HKDC1: variants seen among roughly 807,000 people sequenced by gnomAD.
The protein encoded by HKDC1 is hexokinase HKDC1.
In HKDC1, 66 loss-of-function variants were observed where a neutral mutation model predicts 96.6. The observed-to-expected ratio is 0.68, with a 90% CI of 0.56 to 0.84. HKDC1 has a LOEUF of 0.84. Among genes scored for constraint, HKDC1 ranks in the 40% least tolerant of loss-of-function variants. The probability of loss-of-function intolerance (pLI) is 0.00; values close to 1 mark genes in which losing one functional copy is unlikely to be tolerated. For synonymous variants in HKDC1, 466 were observed against 473.1 expected (o/e 0.98, Z 0.20); for missense variants, 1,211 against 1,208.1 (o/e 1.00, Z -0.04).
chr10:69,223,672 G>A (rs373626604), intron 1 of HKDC1, among the ~76,000 whole-genome samples: 201 of 130,570 alleles, frequency 1.5e-3, no homozygotes, highest in Middle Eastern at 0.015. Flanking sequence ...TGCAACCTCC[G>A]CCTCCAGGGC....
At chr10:69,232,085 T>G (rs1363385556) in intron 2 of HKDC1, among the ~76,000 whole-genome samples, 1 of 152,234 alleles carries the variant, frequency 6.6e-6, no homozygotes, top group Non-Finnish European at 1.5e-5. Context: ...TCAGGTGATC[T>G]GCCCGTCTCG....
chr10:69,260,480 A>G (rs1340341213), intron 15 of HKDC1, among the ~76,000 whole-genome samples: 1 of 152,202 alleles, frequency 6.6e-6, no homozygotes, highest in Non-Finnish European at 1.5e-5. Context: ...TTAAGGGGGC[A>G]GCACCTTTGA....
At chr10:69,263,308 A>G (rs1301089922) in intron 16 of HKDC1, among the ~76,000 whole-genome samples, 1 of 152,156 alleles carries the variant, frequency 6.6e-6, no homozygotes. Context: ...CATGTCGCCC[A>G]GGTTGATCTT....
chr10:69,241,635 C>G (rs773749515), intron 6 of HKDC1, among the ~76,000 whole-genome samples: 11 of 152,254 alleles, frequency 7.2e-5, no homozygotes, highest in South Asian at 2.1e-4. Flanking sequence ...AGGTGCCCAC[C>G]ACCACGGCTG....
In HKDC1 at chr10:69,248,513, G is replaced by A. The variant is rs563834781; in HGVS notation, c.1355G>A (p.Gly452Glu). 6.2e-7 allele frequency: 1 copy of A among 1,613,122 alleles called. No homozygotes were observed. Among genetic ancestry groups the A allele is most frequent in the South Asian group, 1.1e-5 (1 of 91,034 alleles). ...FLLSESGSTK[G>E]AAMVTAVASR... ...CTGTCAGAGAGTGGCAGCACCAAGG[G>A]GGCCGCCATGGTGACCGCGGTGGCC... Residue 452 changes from glycine (G) to glutamate (E), a missense_variant, in exon 10 of 18, where the codon GGG becomes GAG. Coordinates refer to ENST00000354624, the MANE Select transcript of HKDC1 (RefSeq NM_025130.4).
chr10:69,232,668 T>A, intron 2 of HKDC1, 96 bp from the exon 3 acceptor site: 1 of 1,140,484 alleles, frequency 8.8e-7, no homozygotes, highest in Non-Finnish European at 1.3e-6. Context: ...TGGCTGTGAT[T>A]TGAAGACGTT....
chr10:69,252,181 T>G (rs1439427482), intron 12 of HKDC1, among the ~76,000 whole-genome samples: 2 of 151,492 alleles, frequency 1.3e-5, no homozygotes, highest in Admixed American at 6.6e-5. Flanking sequence ...TATGGAGACA[T>G]TTATTACAAA....
intron 1 of HKDC1, among the ~76,000 whole-genome samples, chr10:69,221,930 GA>G (rs942695404): frequency 3.3e-5 from 5 of 150,214 alleles, no homozygotes; most frequent in South Asian, 2.1e-4. Context: ...GGAAAGAAAA[GA>G]AAAAAAAAGG....
chr10:69,221,188 G>A (rs1274697483), intron 1 of HKDC1, among the ~76,000 whole-genome samples: 4 of 152,162 alleles, frequency 2.6e-5, no homozygotes, highest in Non-Finnish European at 5.9e-5. Context: ...GTTTGTTCAT[G>A]TATTTGAAAG....
At chr10:69,233,240 T>G (rs576031739) in intron 4 of HKDC1, 107 bp downstream of exon 4, 1 of 1,454,452 alleles carries the variant, frequency 6.9e-7, no homozygotes, top group African/African-American at 1.4e-5. Context: ...CTTTCTTGTT[T>G]GTCTTTTTCT....
At chr10:69,236,711 C>T (rs891446911) in intron 4 of HKDC1, among the ~76,000 whole-genome samples, 5 of 150,462 alleles carry the variant, frequency 3.3e-5, no homozygotes, top group South Asian at 2.1e-4. Flanking sequence ...ACCTGGGAGG[C>T]GGAGGTTGCA....
chr10:69,246,043 G>A, intron 7 of HKDC1, 36 bp from the exon 8 acceptor site: 1 of 1,605,190 alleles, frequency 6.2e-7, no homozygotes, highest in Non-Finnish European at 8.5e-7. Context: ...CTTAATCAAA[G>A]GGGCTGCGTC....
chr10:69,261,370 G>C, intron 16 of HKDC1, 76 bp downstream of exon 16: 1 of 1,463,166 alleles, frequency 6.8e-7, no homozygotes. Context: ...GCCAATTTGA[G>C]GTTTAAAAAT....
intron 12 of HKDC1, among the ~76,000 whole-genome samples, chr10:69,253,111 T>A (rs1161044058): frequency 1.3e-5 from 2 of 152,046 alleles, no homozygotes; most frequent in Non-Finnish European, 2.9e-5. Context: ...AAGGTCAGTA[T>A]TGTGTGTTTT....
Position 69,232,758 on chromosome 10 carries a change from T to TAATAG in HKDC1, c.227-3_228dup. ...ATAAATGGAAACTGAATTTGTTTCT[T>TAATAG]AATAGAAAATGGGGAGTTCCTTTCC... On this transcript the variant is annotated splice_polypyrimidine_tract_variant and splice_region_variant and intron_variant, in intron 2 of 17. Transcript: ENST00000354624. 1 of 1,613,706 alleles carries TAATAG rather than the reference T, an allele frequency of 6.2e-7. No homozygotes were observed. The highest frequency in any genetic ancestry group is 8.5e-7 in the Non-Finnish European group (1 of 1,179,742).
At position 69,220,397 on chromosome 10, in the gene HKDC1, A is replaced by T; in HGVS notation, c.-39A>T. The T allele has an allele frequency of 6.5e-7, 1 of 1,532,654 alleles. No homozygotes were observed. Among genetic ancestry groups the T allele is most frequent in the Non-Finnish European group, 8.9e-7 (1 of 1,125,642 alleles). The allele number at this position is 1,532,654 out of a possible 1,614,324, so 94.9% of individuals were successfully genotyped here. On this transcript the variant is annotated 5_prime_UTR_variant, in exon 1 of 18. Coordinates refer to ENST00000354624, the MANE Select transcript of HKDC1 (RefSeq NM_025130.4). ...GTCGTAGGAGTGAACACTGCACAGG[A>T]ATCTCTGCCCATCTCAGGAGAAACC...
chr10:69,232,949 C>T lies in HKDC1; in HGVS notation c.375+37C>T, dbSNP rs144073086. The T allele has an allele frequency of 4.3e-4, 701 of 1,611,976 alleles. 2 individuals carry two copies. The African/African-American group carries it at 8.1e-3, about 19-fold the overall frequency. The stretch of plus-strand genomic sequence containing the variant: ...GTGGCTCCTGTGACCGCAGGGAAGG[C>T]GGTGGCATCCGTGTGTGGGGAAACC... On this transcript the variant is annotated intron_variant, in intron 3 of 17. Transcript: ENST00000354624.
intron 12 of HKDC1, among the ~76,000 whole-genome samples, chr10:69,252,508 T>G (rs1390721748): frequency 3.3e-5 from 5 of 151,914 alleles, no homozygotes. Context: ...TAGCCCGGCG[T>G]GGTGGCAGGT....
chr10:69,261,563 G>A, intron 16 of HKDC1: 1 of 351,110 alleles, frequency 2.8e-6, no homozygotes, highest in East Asian at 4.6e-5. Flanking sequence ...TCTTACATCA[G>A]TTCATCTATA....
Sources: gnomAD v4.1 joint callset for allele counts (sites outside exome capture counted in the v4.1 genomes callset) on GRCh38, gnomAD v4.1.1 for gene constraint, MANE v1.5 for transcripts, NCBI Gene and HGNC (gene_info 2026-07-23, HGNC 2026-07-21) for gene names.